Variants in GTF2E2 observed in about 807,000 individuals in gnomAD.
GTF2E2 encodes the protein general transcription factor IIE subunit 2, also known as transcription initiation factor IIE subunit beta.
GTF2E2 carries 21 observed loss-of-function variants against 40.5 expected under a neutral mutation model. The observed-to-expected ratio is 0.52, with a 90% CI of 0.37 to 0.75. GTF2E2 has a LOEUF of 0.75. Among genes scored for constraint, GTF2E2 ranks in the 30% least tolerant of loss-of-function variants. The pLI is 0.00. For missense variants in GTF2E2, 298 were observed against 338.4 expected, an observed-to-expected ratio of 0.88 and a Z score of 0.94; for synonymous variants, 117 against 121.6, an observed-to-expected ratio of 0.96 and a Z score of 0.25.
rs550198218 is a variant in GTF2E2 at position 30,588,482 on chromosome 8, C to T, written c.644-8086G>A. 1.8e-4 allele frequency among the ~76,000 whole-genome samples: 27 copies of T among 152,210 alleles called. 1 individual carries two copies. The highest frequency in any genetic ancestry group is 6.0e-4 in the African/African-American group (25 of 41,530). ...AAGCCAGGCACCGAATGACAAAAACCGCATGTTTTCACCTCTACGTGGAAT... is the reference window on the plus strand; with the variant it reads ...AAGCCAGGCACCGAATGACAAAAACTGCATGTTTTCACCTCTACGTGGAAT... On this transcript the variant is annotated intron_variant, in intron 6 of 7. Coordinates refer to ENST00000355904, the MANE Select transcript of GTF2E2 (RefSeq NM_002095.6).
At chr8:30,653,939 A>G (rs533494074) in intron 1 of GTF2E2, among the ~76,000 whole-genome samples, 62 of 152,198 alleles carry the variant, frequency 4.1e-4, no homozygotes, top group African/African-American at 1.5e-3. Context: ...AATACAAAAA[A>G]TCAGGCAGGC....
intron 2 of GTF2E2, among the ~76,000 whole-genome samples, chr8:30,649,273 ATT>A: frequency 6.6e-6 from 1 of 152,212 alleles, no homozygotes; most frequent in Non-Finnish European, 1.5e-5. Flanking sequence ...TATTGCTACA[ATT>A]TGAAGTAGCT....
rs560046065 is a variant in GTF2E2, at chr8:30,601,202, C to CA, written c.643+5854dup. Among the ~76,000 whole-genome samples the CA allele has an allele frequency of 2.0e-3, 310 of 152,286 alleles. 2 individuals carry two copies. Among genetic ancestry groups the CA allele is most frequent in the African/African-American group, 7.2e-3 (298 of 41,548 alleles). ...GAACACCAAAATGACAAAATGCAAA[C>CA]AGCTGAACTATGCTTCCTATGCCAT... On this transcript the variant is annotated intron_variant, in intron 6 of 7. Transcript: ENST00000355904.
intron 1 of GTF2E2, among the ~76,000 whole-genome samples, chr8:30,654,636 C>T (rs917132046): frequency 2.6e-5 from 4 of 152,246 alleles, no homozygotes; most frequent in Middle Eastern, 3.4e-3. Flanking sequence ...AACTCCTGGC[C>T]TCAAGCAATC....
rs1828484348 is a variant in GTF2E2, at chr8:30,580,401, A to G, written c.644-5T>C. Reference sequence around the variant, plus strand: ...TCCTCCACAGTTTCTGAAATTCTGTATCAAACAGACACTAGTTATTTTACA... The same window carrying G: ...TCCTCCACAGTTTCTGAAATTCTGTGTCAAACAGACACTAGTTATTTTACA... On this transcript the variant is annotated splice_region_variant and splice_polypyrimidine_tract_variant and intron_variant, in intron 6 of 7. Coordinates refer to ENST00000355904, the MANE Select transcript of GTF2E2 (RefSeq NM_002095.6). 1 of 1,406,202 alleles carries G rather than the reference A, an allele frequency of 7.1e-7. No homozygotes were observed. The highest frequency in any genetic ancestry group is 1.0e-6 in the Non-Finnish European group (1 of 990,320). 87.1% of individuals were successfully genotyped at this position (1,406,202 alleles called of 1,614,324 possible).
At chr8:30,610,210 C>T (rs554357945) in intron 5 of GTF2E2, among the ~76,000 whole-genome samples, 1 of 152,046 alleles carries the variant, frequency 6.6e-6, no homozygotes, top group Admixed American at 6.5e-5. Context: ...TTTGGGAAGC[C>T]GAGGGTGGGC....
chr8:30,654,019 G>A (rs751761372), intron 1 of GTF2E2, among the ~76,000 whole-genome samples: 1 of 151,490 alleles, frequency 6.6e-6, no homozygotes, highest in Non-Finnish European at 1.5e-5. Context: ...AGCCTGGAAG[G>A]TCAAGGCTGC....
chr8:30,643,739 A>T (rs570445040), intron 2 of GTF2E2: 4 of 151,924 alleles, frequency 2.6e-5, no homozygotes, highest in Non-Finnish European at 5.9e-5. Context: ...TTTACTAAAG[A>T]TTTCTTCAGA....
At chr8:30,629,688 C>CAAA (rs10707910) in intron 3 of GTF2E2, among the ~76,000 whole-genome samples, 8 of 70,946 alleles carry the variant, frequency 1.1e-4, no homozygotes, top group South Asian at 5.1e-4. Flanking sequence ...GATTCCATCT[C>CAAA]AAAAAAAAAA....
chr8:30,656,570 A>G (rs1338193304), intron 1 of GTF2E2, among the ~76,000 whole-genome samples: 1 of 152,202 alleles, frequency 6.6e-6, no homozygotes, highest in Non-Finnish European at 1.5e-5. Context: ...GCACTTTGGG[A>G]GGCCGAGGAG....
chr8:30,588,195 T>C (rs1427025946), intron 6 of GTF2E2, among the ~76,000 whole-genome samples: 1 of 152,190 alleles, frequency 6.6e-6, no homozygotes, highest in Non-Finnish European at 1.5e-5. Flanking sequence ...TAGATTATCA[T>C]TTGATCCAGC....
chr8:30,608,406 T>C (rs914210808), intron 5 of GTF2E2, among the ~76,000 whole-genome samples: 4 of 152,262 alleles, frequency 2.6e-5, no homozygotes, highest in Admixed American at 2.6e-4. Context: ...GACAGTATTC[T>C]TCTTTTTGAT....
intron 3 of GTF2E2, among the ~76,000 whole-genome samples, chr8:30,624,785 G>A (rs1307795716): frequency 1.3e-5 from 2 of 152,076 alleles, no homozygotes; most frequent in African/African-American, 4.8e-5. Context: ...TTGTGAATGG[G>A]AGTTCACTCA....
In GTF2E2 at chr8:30,644,205, G is replaced by A. The variant is rs1187319585; in HGVS notation, c.167-9082C>T. Among the ~76,000 whole-genome samples the A allele has an allele frequency of 7.2e-5, 11 of 152,158 alleles. No homozygotes were observed. In the East Asian group the frequency reaches 2.1e-3, roughly 29 times the overall value. ...ACAGTCCCCATTTAAGAGCTAACAAGTACCAGGTCAACAAGAGCTAAACTT... is the reference window on the plus strand; with the variant it reads ...ACAGTCCCCATTTAAGAGCTAACAAATACCAGGTCAACAAGAGCTAAACTT... On this transcript the variant is annotated intron_variant, in intron 2 of 7. Coordinates refer to ENST00000355904, the MANE Select transcript of GTF2E2 (RefSeq NM_002095.6).
chr8:30,589,329 G>A (rs1828772951), intron 6 of GTF2E2, among the ~76,000 whole-genome samples: 1 of 152,232 alleles, frequency 6.6e-6, no homozygotes, highest in Admixed American at 6.5e-5. Context: ...GGCCAAGGTG[G>A]GAGGATCACT....
At chr8:30,620,401 A>C (rs1801059280) in intron 3 of GTF2E2, among the ~76,000 whole-genome samples, 2 of 152,116 alleles carry the variant, frequency 1.3e-5, no homozygotes, top group African/African-American at 4.8e-5. Flanking sequence ...ATCACTTTGT[A>C]AGAAAAGGTT....
intron 6 of GTF2E2, among the ~76,000 whole-genome samples, chr8:30,602,447 T>C (rs918225865): frequency 6.6e-6 from 1 of 152,204 alleles, no homozygotes; most frequent in Non-Finnish European, 1.5e-5. Flanking sequence ...ATATTATCTA[T>C]GAACTTAATT....
chr8:30,589,277 C>G (rs1327620370), intron 6 of GTF2E2, among the ~76,000 whole-genome samples: 2 of 152,142 alleles, frequency 1.3e-5, no homozygotes, highest in African/African-American at 4.8e-5. Flanking sequence ...AAAGTATTGG[C>G]ATGGTGCAAT....
chr8:30,649,253 T>TA (rs925016451), intron 2 of GTF2E2, among the ~76,000 whole-genome samples: 2 of 152,040 alleles, frequency 1.3e-5, no homozygotes, highest in African/African-American at 4.8e-5. Context: ...TTAACATCAA[T>TA]AAAAATTATT....
Sources: gnomAD v4.1 joint callset for allele counts (sites outside exome capture counted in the v4.1 genomes callset) on GRCh38, gnomAD v4.1.1 for gene constraint, MANE v1.5 for transcripts, NCBI Gene and HGNC (gene_info 2026-07-23, HGNC 2026-07-21) for gene names.